Variants in RASSF5 observed in about 807,000 individuals in gnomAD.
RASSF5 encodes Ras association domain family member 5.
Under a neutral mutation model 40.5 loss-of-function variants are expected in RASSF5, and 25 were observed. The ratio of observed to expected loss-of-function variants is 0.62; its 90% CI spans 0.45 to 0.86. The LOEUF (loss-of-function observed/expected upper bound fraction) is 0.86, where lower values mean the gene tolerates loss of function less well. Among genes scored for constraint, RASSF5 ranks in the 40% least tolerant of loss-of-function variants. The pLI, the probability that RASSF5 is intolerant of heterozygous loss-of-function variation, is 0.00. For synonymous variants in RASSF5, 246 were observed against 252.4 expected, an observed-to-expected ratio of 0.97 and a Z score of 0.24; for missense variants, 521 against 572.8, an observed-to-expected ratio of 0.91 and a Z score of 0.92.
chr1:206,542,003 C>T (rs1331937237), intron 2 of RASSF5: 1 of 152,290 alleles, frequency 6.6e-6, no homozygotes, highest in Non-Finnish European at 1.5e-5. Flanking sequence ...CAGCTCTGTC[C>T]CTTTGGCCTT....
At chr1:206,544,792 C>G (rs1413831873) in intron 2 of RASSF5, 2 of 152,262 alleles carry the variant, frequency 1.3e-5, no homozygotes, top group African/African-American at 4.8e-5. Flanking sequence ...AGTGACTCCG[C>G]TGGCTTGGAG....
At chr1:206,518,608 C>A in intron 1 of RASSF5, 4 of 391,688 alleles carry the variant, frequency 1.0e-5, no homozygotes, top group Non-Finnish European at 1.8e-5. Context: ...TGGCTTCTCC[C>A]ATAGAAAAGG....
intron 2 of RASSF5, among the ~76,000 whole-genome samples, chr1:206,558,882 G>C (rs768608259): frequency 2.6e-5 from 4 of 152,170 alleles, no homozygotes; most frequent in Non-Finnish European, 4.4e-5. Context: ...CCTTTCCCTG[G>C]CTGTAGGTGG....
intron 2 of RASSF5, among the ~76,000 whole-genome samples, chr1:206,576,473 T>C (rs1553405222): frequency 1.3e-5 from 2 of 152,164 alleles, no homozygotes; most frequent in African/African-American, 4.8e-5. Context: ...TTTGTCTTCT[T>C]GTGAAAAGTG....
intron 1 of RASSF5, among the ~76,000 whole-genome samples, chr1:206,521,358 A>ATAG (rs1345124636): frequency 1.3e-5 from 2 of 152,296 alleles, no homozygotes; most frequent in South Asian, 4.1e-4. Context: ...GGCACTTTGA[A>ATAG]TAGCTGCAAG....
At chr1:206,563,163 C>T (rs1272718897) in intron 2 of RASSF5, among the ~76,000 whole-genome samples, 5 of 152,146 alleles carry the variant, frequency 3.3e-5, no homozygotes, top group African/African-American at 4.8e-5. Context: ...CTTGCAACCA[C>T]GGGCCATTGG....
chr1:206,522,407 C>G lies in RASSF5; in HGVS notation c.457+14348C>G, dbSNP rs150923956. On this transcript the variant is annotated intron_variant, in intron 1 of 5. Transcript: ENST00000579436. The stretch of plus-strand genomic sequence containing the variant: ...GCCCTGTTCAAAAACTGTGCTGTGT[C>G]TTTGCACTTCTCTCTGCATGGCCAT... Among the ~76,000 whole-genome samples, 3 of 152,288 alleles carry G rather than the reference C, an allele frequency of 2.0e-5. No homozygotes were observed. In the East Asian group the frequency reaches 5.8e-4, roughly 29 times the overall value.
intron 2 of RASSF5, among the ~76,000 whole-genome samples, chr1:206,550,844 G>A (rs547365642): frequency 2.6e-5 from 4 of 152,208 alleles, no homozygotes; most frequent in Middle Eastern, 3.4e-3. Context: ...ATATGGTAAC[G>A]CTCCAAAATG....
Position 206,507,546 on chromosome 1 carries a change from C to A in RASSF5, c.-57C>A. Reference sequence around the variant, plus strand: ...GCGGCCCCTTCTCTCGGGGCTGGCTCGGGAGTAGCGCAGTCGCCAAAGCCG... The same window carrying A: ...GCGGCCCCTTCTCTCGGGGCTGGCTAGGGAGTAGCGCAGTCGCCAAAGCCG... On this transcript the variant is annotated 5_prime_UTR_variant, in exon 1 of 6. Coordinates refer to ENST00000579436, the MANE Select transcript of RASSF5 (RefSeq NM_182663.4). 2 of 1,337,534 alleles carry A rather than the reference C, an allele frequency of 1.5e-6. No homozygotes were observed. Among genetic ancestry groups the A allele is most frequent in the Non-Finnish European group, 2.0e-6 (2 of 1,023,510 alleles). 82.9% of individuals were successfully genotyped at this position (1,337,534 alleles called of 1,614,324 possible).
chr1:206,530,776 G>C (rs565252755), intron 1 of RASSF5, among the ~76,000 whole-genome samples: 1 of 152,192 alleles, frequency 6.6e-6, no homozygotes, highest in Non-Finnish European at 1.5e-5. Flanking sequence ...GCCCCTCCCC[G>C]CTGCAGGGAG....
intron 2 of RASSF5, among the ~76,000 whole-genome samples, chr1:206,556,559 G>A (rs1667991657): frequency 6.6e-6 from 1 of 152,272 alleles, no homozygotes; most frequent in African/African-American, 2.4e-5. Flanking sequence ...CAGACTATCC[G>A]GAAGATACAC....
chr1:206,565,232 C>T (rs1053331704), intron 2 of RASSF5, among the ~76,000 whole-genome samples: 10 of 152,202 alleles, frequency 6.6e-5, no homozygotes, highest in Non-Finnish European at 1.5e-4. Flanking sequence ...CCTCTCTGTC[C>T]CCGCCTCACC....
intron 2 of RASSF5, among the ~76,000 whole-genome samples, chr1:206,566,139 A>G (rs1422759819): frequency 1.3e-5 from 2 of 152,184 alleles, no homozygotes; most frequent in East Asian, 1.9e-4. Context: ...GACACATTCT[A>G]TGAGGTAACA....
intron 2 of RASSF5, 44 bp downstream of exon 2, chr1:206,538,337 A>C (rs1553398950): frequency 1.2e-6 from 2 of 1,606,800 alleles, no homozygotes; most frequent in Non-Finnish European, 1.7e-6. Flanking sequence ...CAGCCTCTGC[A>C]GGTGCCCCGG....
intron 2 of RASSF5, among the ~76,000 whole-genome samples, chr1:206,556,038 C>G (rs1269241825): frequency 6.6e-6 from 1 of 152,206 alleles, no homozygotes; most frequent in East Asian, 1.9e-4. Context: ...GATAACCCCT[C>G]TCAGCCACAG....
intron 1 of RASSF5, among the ~76,000 whole-genome samples, chr1:206,527,071 TAGAG>T (rs1667115620): frequency 6.6e-6 from 1 of 152,188 alleles, no homozygotes; most frequent in Admixed American, 6.5e-5. Flanking sequence ...CATACCCAGT[TAGAG>T]GGAGGGCTCA....
intron 2 of RASSF5, among the ~76,000 whole-genome samples, chr1:206,576,333 G>A (rs1438232186): frequency 6.6e-6 from 1 of 152,200 alleles, no homozygotes; most frequent in Non-Finnish European, 1.5e-5. Flanking sequence ...TGGGGCTGGT[G>A]TTTGGGAGCG....
intron 1 of RASSF5, among the ~76,000 whole-genome samples, chr1:206,515,716 A>G (rs944101083): frequency 3.7e-4 from 56 of 152,282 alleles, no homozygotes; most frequent in African/African-American, 1.2e-3. Context: ...CTGACTCTCT[A>G]TATTTCTCCA....
rs1553393885 is a variant in RASSF5 at position 206,507,574 on chromosome 1, G to A, written c.-29G>A. 2.1e-6 allele frequency: 3 copies of A among 1,459,892 alleles called. No homozygotes were observed. Among genetic ancestry groups the A allele is most frequent in the South Asian group, 1.3e-5 (1 of 76,586 alleles). The allele number at this position is 1,459,892 out of a possible 1,614,324, so 90.4% of individuals were successfully genotyped here. ...GAGTAGCGCAGTCGCCAAAGCCGCC[G>A]CTGCCAAAGCTGCCGCCACTAGCCG... On this transcript the variant is annotated 5_prime_UTR_variant, in exon 1 of 6. Transcript: ENST00000579436.
Sources: gnomAD v4.1 joint callset for allele counts (sites outside exome capture counted in the v4.1 genomes callset) on GRCh38, gnomAD v4.1.1 for gene constraint, MANE v1.5 for transcripts, NCBI Gene and HGNC (gene_info 2026-07-23, HGNC 2026-07-21) for gene names.